MOK: variants seen among roughly 807,000 people sequenced by gnomAD.
MOK encodes MAPK/MAK/MRK overlapping kinase.
Under a neutral mutation model 54.2 loss-of-function variants are expected in MOK, and 59 were observed. That is an observed-to-expected ratio of 1.09 (90% CI 0.88 to 1.35). The LOEUF (loss-of-function observed/expected upper bound fraction) is 1.35, where lower values mean the gene tolerates loss of function less well. Ranked by LOEUF, MOK falls within the 40% of genes most tolerant of loss-of-function variation. The pLI, the probability that MOK is intolerant of heterozygous loss-of-function variation, is 0.00. For missense variants in MOK, 517 were observed against 526.2 expected (o/e 0.98, Z 0.17); for synonymous variants, 210 against 202.7 (o/e 1.04, Z -0.31).
At position 102,294,180 on chromosome 14, in the gene MOK, C is replaced by T. The variant is rs537953426; in HGVS notation, c.8-10588G>A. Among the ~76,000 whole-genome samples the T allele has an allele frequency of 1.4e-4, 21 of 151,292 alleles. No individual in the cohort carries two copies. In the East Asian group the frequency reaches 1.7e-3, roughly 13 times the overall value. ...AGCCAGGTGAGGCCGGGTGCGGTGG[C>T]TCATGCCTGTAATCCCAGCACTTTG... On this transcript the variant is annotated intron_variant, in intron 1 of 11. Transcript: ENST00000361847.
Position 102,238,414 on chromosome 14 carries a change from A to G in MOK, c.591-4625T>C, listed in dbSNP as rs35350456. The G allele has an allele frequency of 0.29, 43,916 of 151,732 alleles. 7,740 individuals are homozygous for G. Among genetic ancestry groups the G allele is most frequent in the African/African-American group, 0.51 (21,094 of 41,366 alleles). The allele number at this position is 151,732 out of a possible 1,614,324, so 9.4% of individuals were successfully genotyped here. A position where few individuals can be genotyped will look rare whatever the true frequency, so the allele number is the denominator to read the frequency against. ...TGCCAAAGTGACCCTATCACTAACC[A>G]CCCCCTTATTTACCAACTCCTTCAA... is the stretch of plus-strand genomic sequence containing the variant. On this transcript the variant is annotated intron_variant, in intron 7 of 11. Transcript: ENST00000361847. This position sits in a 1 kb window ranked among gnomAD's most constrained non-coding sequence, Gnocchi z 4.8.
At chr14:102,247,850 C>T (rs572482710) in intron 7 of MOK, among the ~76,000 whole-genome samples, 2 of 152,342 alleles carry the variant, frequency 1.3e-5, no homozygotes, top group Admixed American at 1.3e-4. Flanking sequence ...CGATGGCCAG[C>T]GTGGCCCTCC....
chr14:102,289,490 T>A (rs1357133855), intron 1 of MOK, among the ~76,000 whole-genome samples: 4 of 152,112 alleles, frequency 2.6e-5, no homozygotes, highest in African/African-American at 9.7e-5. Context: ...TTTAAGCTCC[T>A]GTTTTTTATT....
chr14:102,228,157 G>A (rs1013625425), downstream of MOK, among the ~76,000 whole-genome samples: 11 of 152,294 alleles, frequency 7.2e-5, no homozygotes, highest in South Asian at 4.1e-4. Flanking sequence ...CTTATTGTTG[G>A]CACTCAGCAA....
chr14:102,282,938 G>A (rs1013246103), intron 2 of MOK, among the ~76,000 whole-genome samples: 8 of 150,878 alleles, frequency 5.3e-5, no homozygotes, highest in Non-Finnish European at 1.0e-4. Flanking sequence ...GCCTGCAGTT[G>A]CAGCTACTAG....
chr14:102,233,833 C>A (rs2064972234), intron 7 of MOK, 44 bp from the exon 8 acceptor site: 1 of 1,424,496 alleles, frequency 7.0e-7, no homozygotes, highest in Non-Finnish European at 9.9e-7. Flanking sequence ...TAGGGCAGAG[C>A]CAACAGACCT....
intron 2 of MOK, among the ~76,000 whole-genome samples, chr14:102,269,400 G>A (rs1373370539): frequency 2.0e-5 from 3 of 151,578 alleles, no homozygotes; most frequent in East Asian, 3.9e-4. Flanking sequence ...TGGCCAGGCT[G>A]GTCTCGACCC....
At position 102,232,135 on chromosome 14, in the gene MOK, G is replaced by A. The variant is rs1001862109; in HGVS notation, c.867-314C>T. On this transcript the variant is annotated intron_variant, in intron 9 of 11. Coordinates refer to ENST00000361847, the MANE Select transcript of MOK (RefSeq NM_014226.3). The surrounding 1 kb of genome is among the most constrained non-coding windows in gnomAD (Gnocchi z 5.1). The stretch of plus-strand genomic sequence containing the variant: ...TCCGGAATTAGGTGACCTCAGGGCA[G>A]ACAGGTCTTAGATTCACATTCAGCA... 2 of 361,350 alleles carry A rather than the reference G, an allele frequency of 5.5e-6. No individual in the cohort carries two copies. Among genetic ancestry groups the A allele is most frequent in the Admixed American group, 8.6e-5 (2 of 23,158 alleles). The allele number at this position is 361,350 out of a possible 1,614,324, so 22.4% of individuals were successfully genotyped here.
chr14:102,250,064 C>T (rs577904509), intron 7 of MOK, among the ~76,000 whole-genome samples: 5 of 152,268 alleles, frequency 3.3e-5, no homozygotes, highest in African/African-American at 1.2e-4. Flanking sequence ...AGTGAAATTG[C>T]CATTCAGCTT....
Position 102,240,964 on chromosome 14 carries a change from C to T in MOK, c.591-7175G>A, listed in dbSNP as rs2065666441. ...CTTGCCTGACCTAAAACCTAAGTGT[C>T]TTCGCCAACACCACTTGGCCCCAAT... is the stretch of plus-strand genomic sequence containing the variant. On this transcript the variant is annotated intron_variant, in intron 7 of 11. Transcript: ENST00000361847. This position sits in a 1 kb window ranked among gnomAD's most constrained non-coding sequence, Gnocchi z 5.4. Among the ~76,000 whole-genome samples, 1 of 152,216 alleles carries T rather than the reference C, an allele frequency of 6.6e-6. No individual in the cohort carries two copies. The highest frequency in any genetic ancestry group is 6.5e-5 in the Admixed American group (1 of 15,288).
chr14:102,263,983 A>C (rs923494826), intron 3 of MOK: 6 of 182,064 alleles, frequency 3.3e-5, no homozygotes, highest in Admixed American at 1.9e-4. Context: ...TGGGAGCCCG[A>C]GGTGGTCGAT....
downstream of MOK, chr14:102,226,525 G>T (rs892788211): frequency 5.8e-6 from 4 of 688,640 alleles, no homozygotes; most frequent in African/African-American, 7.0e-5. This position sits in a 1 kb window ranked among gnomAD's most constrained non-coding sequence, Gnocchi z 4.8. Context: ...CGGGGCCCCG[G>T]CAGCAGGGCA....
chr14:102,247,674 G>A lies in MOK; in HGVS notation c.590+3138C>T, dbSNP rs553512805. Among the ~76,000 whole-genome samples, 15 of 152,256 alleles carry A rather than the reference G, an allele frequency of 9.9e-5. 1 individual carries two copies. In the South Asian group the frequency reaches 2.3e-3, roughly 23 times the overall value. On this transcript the variant is annotated intron_variant, in intron 7 of 11. Transcript: ENST00000361847. The stretch of plus-strand genomic sequence containing the variant: ...CACAAATAGATTCTTTAGCAGCAGC[G>A]CTTCTTCAAAATCACAGAGGCGTAG...
At chr14:102,257,305 T>C (rs888444524) in intron 4 of MOK, among the ~76,000 whole-genome samples, 1 of 151,958 alleles carries the variant, frequency 6.6e-6, no homozygotes, top group Admixed American at 6.6e-5. Context: ...AGAAGAGGCA[T>C]GATTCCAGGC....
intron 4 of MOK, among the ~76,000 whole-genome samples, chr14:102,253,069 G>A (rs1363485862): frequency 2.0e-5 from 3 of 152,190 alleles, no homozygotes; most frequent in Admixed American, 1.3e-4. Flanking sequence ...AGCACACGTG[G>A]TTTTTCTGAG....
chr14:102,247,436 C>T (rs1457334447), intron 7 of MOK: 1 of 152,224 alleles, frequency 6.6e-6, no homozygotes, highest in Non-Finnish European at 1.5e-5. Context: ...AATGTTGCTC[C>T]AGGAGACCAA....
At chr14:102,270,549 C>T (rs1189271868) in intron 2 of MOK, among the ~76,000 whole-genome samples, 4 of 151,252 alleles carry the variant, frequency 2.6e-5, no homozygotes, top group South Asian at 2.1e-4. Context: ...TGCAGTGAGG[C>T]GAGATTGTGC....
chr14:102,226,155 A>AGAT, downstream of MOK: 1 of 596,534 alleles, frequency 1.7e-6, no homozygotes, highest in Non-Finnish European at 3.0e-6. The surrounding 1 kb of genome is among the most constrained non-coding windows in gnomAD (Gnocchi z 4.8). Flanking sequence ...TGGCTGATGG[A>AGAT]GATGGCTGCT....
At chr14:102,253,061 C>G (rs1421428840) in intron 4 of MOK, among the ~76,000 whole-genome samples, 1 of 152,200 alleles carries the variant, frequency 6.6e-6, no homozygotes, top group Non-Finnish European at 1.5e-5. Flanking sequence ...GCTGCTCTAG[C>G]ACACGTGGTT....
Sources: gnomAD v4.1 joint callset for allele counts (sites outside exome capture counted in the v4.1 genomes callset) on GRCh38, gnomAD v4.1.1 for gene constraint, Gnocchi (gnomAD v3.1) non-coding constraint, MANE v1.5 for transcripts, NCBI Gene and HGNC (gene_info 2026-07-23, HGNC 2026-07-21) for gene names.